EYS: variants seen among roughly 807,000 people sequenced by gnomAD.
EYS encodes the protein protein eyes shut homolog.
In EYS, 250 loss-of-function variants were observed where a neutral mutation model predicts 282.1. That is an observed-to-expected ratio of 0.89 (90% CI 0.80 to 0.98). The LOEUF is 0.98. EYS is among the 50% of genes least tolerant of loss of function. EYS has a pLI of 0.00. For synonymous variants in EYS, 1,355 were observed against 1,282.9 expected (o/e 1.06, Z -1.20); for missense variants, 4,016 against 3,709.0 (o/e 1.08, Z -2.15).
At chr6:64,650,671 C>T (rs1264909172) in intron 22 of EYS, among the ~76,000 whole-genome samples, 1 of 152,016 alleles carries the variant, frequency 6.6e-6, no homozygotes, top group Non-Finnish European at 1.5e-5. Flanking sequence ...TTGACTCCTA[C>T]AGTCACCAAG....
At chr6:65,351,815 C>T (rs981272079) in intron 9 of EYS, among the ~76,000 whole-genome samples, 1 of 151,646 alleles carries the variant, frequency 6.6e-6, no homozygotes, top group Non-Finnish European at 1.5e-5. Context: ...ACTACAATTC[C>T]AGTTTGATTG....
chr6:64,081,300 C>A (rs573231075), intron 32 of EYS, among the ~76,000 whole-genome samples: 6 of 152,194 alleles, frequency 3.9e-5, no homozygotes, highest in African/African-American at 1.4e-4. Context: ...GAAAGAAGCC[C>A]ATACATTCTG....
chr6:65,433,142 C>A (rs929621876), intron 5 of EYS, among the ~76,000 whole-genome samples: 2 of 151,954 alleles, frequency 1.3e-5, no homozygotes, highest in East Asian at 1.9e-4. Context: ...GTCTATTGAG[C>A]CTTTTCAGGT....
At chr6:64,507,503 G>A (rs1777248965) in intron 26 of EYS, among the ~76,000 whole-genome samples, 1 of 152,072 alleles carries the variant, frequency 6.6e-6, no homozygotes, top group Non-Finnish European at 1.5e-5. Flanking sequence ...ATCATATAAG[G>A]CATCTTTTGA....
chr6:64,613,461 A>G (rs1057372904), intron 24 of EYS, among the ~76,000 whole-genome samples: 6 of 152,132 alleles, frequency 3.9e-5, no homozygotes, highest in South Asian at 2.1e-4. Flanking sequence ...CATCTACACA[A>G]TAAGAGAAAA....
chr6:64,586,026 T>TTAA (rs1269437091), intron 26 of EYS, among the ~76,000 whole-genome samples: 1 of 152,130 alleles, frequency 6.6e-6, no homozygotes, highest in African/African-American at 2.4e-5. Context: ...TTTTTGTTGC[T>TTAA]TAATGCTATG....
In EYS at chr6:64,436,267, T is replaced by C; in HGVS notation, c.5836-2A>G. The C allele has an allele frequency of 6.5e-7, 1 of 1,528,538 alleles. No homozygotes were observed. Among genetic ancestry groups the C allele is most frequent in the Non-Finnish European group, 8.8e-7 (1 of 1,131,988 alleles). 94.7% of individuals were successfully genotyped at this position (1,528,538 alleles called of 1,614,324 possible). On this transcript the variant is annotated splice_acceptor_variant, in intron 27 of 42. Coordinates refer to ENST00000503581, the MANE Select transcript of EYS (RefSeq NM_001142800.2). LOFTEE classifies it high-confidence loss of function. The stretch of plus-strand genomic sequence containing the variant: ...TTCACCAGGACAGTAAAAGTGGTAC[T>C]GTTGGGGGAAAAAATTTTGTCCTCA...
chr6:65,338,614 ACC>A (rs1770081967), intron 10 of EYS, among the ~76,000 whole-genome samples: 1 of 150,980 alleles, frequency 6.6e-6, no homozygotes, highest in Non-Finnish European at 1.5e-5. Flanking sequence ...TTGCACAAAA[ACC>A]TCAATATTAC....
chr6:65,252,077 T>C (rs949937820), intron 12 of EYS, among the ~76,000 whole-genome samples: 9 of 151,916 alleles, frequency 5.9e-5, no homozygotes, highest in African/African-American at 1.7e-4. Context: ...ATATTGCCTT[T>C]TCTTTTGCTT....
At chr6:65,402,971 G>A (rs931434793) in intron 6 of EYS, among the ~76,000 whole-genome samples, 10 of 152,014 alleles carry the variant, frequency 6.6e-5, no homozygotes, top group African/African-American at 2.4e-4. Context: ...GGAAGCGCAG[G>A]CCACATGGAG....
At chr6:65,422,380 C>T (rs1435811192) in intron 5 of EYS, among the ~76,000 whole-genome samples, 1 of 151,782 alleles carries the variant, frequency 6.6e-6, no homozygotes, top group Non-Finnish European at 1.5e-5. Flanking sequence ...GAAATATGAG[C>T]AATTACATTT....
chr6:65,024,036 G>A (rs1374200191), intron 13 of EYS, among the ~76,000 whole-genome samples: 1 of 152,132 alleles, frequency 6.6e-6, no homozygotes, highest in African/African-American at 2.4e-5. Flanking sequence ...CTTCTTTAAA[G>A]CAAGAGCAAA....
chr6:63,975,141 A>T (rs1766773023), intron 35 of EYS, among the ~76,000 whole-genome samples: 1 of 152,000 alleles, frequency 6.6e-6, no homozygotes, highest in Non-Finnish European at 1.5e-5. Flanking sequence ...AGAAATTGTG[A>T]AACCTAGGCT....
At chr6:65,278,645 G>C (rs1024560641) in intron 12 of EYS, among the ~76,000 whole-genome samples, 4 of 151,934 alleles carry the variant, frequency 2.6e-5, no homozygotes, top group Non-Finnish European at 5.9e-5. Context: ...CAAGGCCCAA[G>C]TCAGAGGAGT....
intron 2 of EYS, among the ~76,000 whole-genome samples, chr6:65,584,882 G>A (rs1187081084): frequency 6.9e-6 from 1 of 144,558 alleles, no homozygotes; most frequent in Non-Finnish European, 1.5e-5. Flanking sequence ...TAGCACTATG[G>A]GAATATTATA....
At chr6:64,572,088 G>T (rs181266960) in intron 26 of EYS, among the ~76,000 whole-genome samples, 1 of 151,680 alleles carries the variant, frequency 6.6e-6, no homozygotes, top group East Asian at 1.9e-4. Context: ...CCACCCAGTT[G>T]GCTTCATCCC....
chr6:65,204,097 A>G (rs1562020704), intron 12 of EYS, among the ~76,000 whole-genome samples: 1 of 152,242 alleles, frequency 6.6e-6, no homozygotes, highest in South Asian at 2.1e-4. Flanking sequence ...GCTTATAGGC[A>G]TTAATGAGAG....
chr6:65,475,782 G>C (rs370097722), intron 5 of EYS, among the ~76,000 whole-genome samples: 1 of 127,048 alleles, frequency 7.9e-6, no homozygotes, highest in African/African-American at 2.7e-5. Flanking sequence ...CACACACAGA[G>C]ACAGAGAGAG....
intron 24 of EYS, among the ~76,000 whole-genome samples, chr6:64,597,114 C>G (rs562968890): frequency 6.6e-6 from 1 of 151,984 alleles, no homozygotes. Context: ...GTATGAAAAG[C>G]TGCTCAATGT....
Sources: allele counts gnomAD v4.1 joint callset (sites outside exome capture counted in the v4.1 genomes callset), GRCh38; gene constraint gnomAD v4.1.1; transcripts MANE v1.5; gene names NCBI Gene and HGNC (gene_info 2026-07-23, HGNC 2026-07-21).